Variants in ESF1 observed in about 807,000 individuals in gnomAD.
The protein encoded by ESF1 is ESF1 homolog.
ESF1 carries 58 observed loss-of-function variants against 92.0 expected under a neutral mutation model. The observed-to-expected ratio is 0.63, with a 90% CI of 0.51 to 0.78. The LOEUF (loss-of-function observed/expected upper bound fraction) is 0.78. Ranked by LOEUF, ESF1 falls within the 30% of genes least tolerant of loss-of-function variation. ESF1 has a pLI of 0.00. For missense variants in ESF1, 922 were observed against 989.1 expected (o/e 0.93, Z 0.91); for synonymous variants, 321 against 313.7 (o/e 1.02, Z -0.24).
chr20:13,767,069 TAATA>T, intron 7 of ESF1, 145 bp from the exon 8 acceptor site: 2 of 704,832 alleles, frequency 2.8e-6, no homozygotes, highest in South Asian at 2.2e-5. Flanking sequence ...ATGATATGAT[TAATA>T]AATAGTATCC....
chr20:13,740,844 A>G (rs1401633512), intron 9 of ESF1, among the ~76,000 whole-genome samples: 1 of 152,172 alleles, frequency 6.6e-6, no homozygotes, highest in East Asian at 1.9e-4. Flanking sequence ...TTCTTTAGTC[A>G]CACTGGCTTC....
chr20:13,744,962 C>T (rs948779450), intron 9 of ESF1, among the ~76,000 whole-genome samples: 3 of 152,190 alleles, frequency 2.0e-5, no homozygotes, highest in Non-Finnish European at 4.4e-5. Flanking sequence ...AAGGCCTGGA[C>T]CTTTGTCTAT....
intron 9 of ESF1, among the ~76,000 whole-genome samples, chr20:13,735,277 T>C (rs1448716180): frequency 1.3e-5 from 2 of 152,152 alleles, no homozygotes; most frequent in Non-Finnish European, 2.9e-5. Flanking sequence ...TCTCCAAATT[T>C]CTATAGCTTA....
chr20:13,761,446 C>A (rs968076075), intron 8 of ESF1, among the ~76,000 whole-genome samples: 1 of 151,250 alleles, frequency 6.6e-6, no homozygotes, highest in African/African-American at 2.4e-5. Context: ...GCATTTTATC[C>A]CTCTTTATGT....
intron 10 of ESF1, among the ~76,000 whole-genome samples, chr20:13,730,026 T>C (rs1357940393): frequency 6.6e-6 from 1 of 152,098 alleles, no homozygotes; most frequent in Non-Finnish European, 1.5e-5. Flanking sequence ...ACTAAAGCCC[T>C]AAAGAATATT....
chr20:13,730,011 G>C (rs1600269133), intron 10 of ESF1, among the ~76,000 whole-genome samples: 2 of 151,818 alleles, frequency 1.3e-5, no homozygotes, highest in South Asian at 4.1e-4. Context: ...CATGCAAAAA[G>C]AATCACTAAA....
chr20:13,742,472 A>G (rs563891440), intron 9 of ESF1, among the ~76,000 whole-genome samples: 8 of 152,176 alleles, frequency 5.3e-5, no homozygotes, highest in Non-Finnish European at 8.8e-5. Flanking sequence ...CTCTGTCTCA[A>G]AAAGAAAAAA....
At chr20:13,771,781 T>A (rs910093750) in intron 5 of ESF1, among the ~76,000 whole-genome samples, 7 of 152,104 alleles carry the variant, frequency 4.6e-5, no homozygotes, top group Admixed American at 3.9e-4. Flanking sequence ...CACTGCCTTC[T>A]CAAGTAAAAC....
chr20:13,782,080 G>A (rs1408509253), intron 2 of ESF1, among the ~76,000 whole-genome samples: 2 of 152,072 alleles, frequency 1.3e-5, no homozygotes, highest in African/African-American at 4.8e-5. Flanking sequence ...GTTTCACCAT[G>A]TTGGCCAGGC....
Position 13,766,793 on chromosome 20 carries a change from T to C in ESF1, c.1650A>G (p.Ile550Met), listed in dbSNP as rs137963054. Reference sequence around the variant, plus strand: ...TAACAATACCTTGTAGCTCCTCTTCTATCTCCTCTTCATCTTCACTAGAGG... The same window carrying C: ...TAACAATACCTTGTAGCTCCTCTTCCATCTCCTCTTCATCTTCACTAGAGG... ...LASSSEDEEE[I>M]EEELQGDDGV... is the part of the protein sequence containing the mutation. Residue 550 changes from isoleucine (I) to methionine (M), a missense_variant, in exon 8 of 14, where the codon ATA becomes ATG. By Grantham distance (10) the Ile-to-Met change is conservative. Transcript: ENST00000617257. The C allele has an allele frequency of 1.9e-6, 3 of 1,613,686 alleles. No individual in the cohort carries two copies. In the African/African-American group the frequency reaches 4.0e-5, roughly 21 times the overall value.
intron 3 of ESF1, 36 bp from the exon 4 acceptor site, chr20:13,775,306 A>G (rs1979881364): frequency 3.1e-6 from 4 of 1,288,306 alleles, no homozygotes; most frequent in South Asian, 1.3e-5. Flanking sequence ...TACATAATCC[A>G]TATCATTCTC....
Position 13,782,916 on chromosome 20 carries a change from T to C in ESF1, c.225A>G (p.Ser75=), listed in dbSNP as rs375931907. ...CACCAGAGAGATTGGAATCAGAATC[T>C]GAAAGGTCGTAAAAACGCTTCAAAT... is the stretch of plus-strand genomic sequence containing the variant. ...TEDLKRFYDL[S]DSDSNLSGED... The change falls in exon 2 of 14, where the codon TCA becomes TCG. Residue 75 remains serine, a synonymous_variant. Transcript: ENST00000617257. 1.9e-6 allele frequency: 3 copies of C among 1,614,076 alleles called. No homozygotes were observed. The highest frequency in any genetic ancestry group is 2.7e-5 in the African/African-American group (2 of 74,926).
Position 13,759,681 on chromosome 20 carries a change from C to A in ESF1, c.1828+11G>T, listed in dbSNP as rs372469821. On this transcript the variant is annotated intron_variant, in intron 9 of 13. Transcript: ENST00000617257. ...TCGAAAAAGAGAAAACATTTAGTAT[C>A]TAATTCTTACCTGGAACCCATTTAA... The A allele has an allele frequency of 5.2e-5, 81 of 1,572,558 alleles. No homozygotes were observed. In the African/African-American group the frequency reaches 1.0e-3, roughly 19 times the overall value.
intron 7 of ESF1, 109 bp from the exon 8 acceptor site, chr20:13,767,033 T>A: frequency 1.0e-6 from 1 of 1,003,862 alleles, no homozygotes; most frequent in Non-Finnish European, 1.5e-6. Flanking sequence ...AGTTAAAAGT[T>A]AAGACACATT....
rs886126732 is a variant in ESF1, at chr20:13,781,287, G to A, written c.637+1217C>T. ...ATTAATATGAAAATAGTATTAGTAT[G>A]AAATGAGTAGAAAATGGGATGTAAA... is the stretch of plus-strand genomic sequence containing the variant. On this transcript the variant is annotated intron_variant, in intron 2 of 13. Coordinates refer to ENST00000617257, the MANE Select transcript of ESF1 (RefSeq NM_001276380.2). Among the ~76,000 whole-genome samples, 4 of 152,232 alleles carry A rather than the reference G, an allele frequency of 2.6e-5. No homozygotes were observed. The East Asian group carries it at 7.7e-4, about 29-fold the overall frequency.
At position 13,719,020 on chromosome 20, in the gene ESF1, T is replaced by C. The variant is rs756595333; in HGVS notation, c.2039-36A>G. The stretch of plus-strand genomic sequence containing the variant: ...AAACCAACATAAGAGTGGTAAAAAT[T>C]ACAGGACTATCAGCAACATTCTGTT... On this transcript the variant is annotated intron_variant, in intron 11 of 13. Coordinates refer to ENST00000617257, the MANE Select transcript of ESF1 (RefSeq NM_001276380.2). The C allele has an allele frequency of 6.1e-6, 9 of 1,473,366 alleles. No homozygotes were observed. In the Admixed American group the frequency reaches 1.7e-4, roughly 29 times the overall value. The allele number at this position is 1,473,366 out of a possible 1,614,324, so 91.3% of individuals were successfully genotyped here. A position where few individuals can be genotyped will look rare whatever the true frequency, so the allele number is the denominator to read the frequency against.
chr20:13,767,909 C>G (rs1600290254), intron 7 of ESF1, among the ~76,000 whole-genome samples: 1 of 152,260 alleles, frequency 6.6e-6, no homozygotes. Context: ...TCCAGCTAGT[C>G]AGAGGATTCA....
At chr20:13,784,456 CAGG>C (rs987327908) in intron 1 of ESF1, among the ~76,000 whole-genome samples, 1 of 152,182 alleles carries the variant, frequency 6.6e-6, no homozygotes, top group African/African-American at 2.4e-5. Context: ...CCACCTCAAC[CAGG>C]AGAAGTACTG....
intron 6 of ESF1, 62 bp downstream of exon 6, chr20:13,771,269 T>C (rs1472927656): frequency 1.9e-5 from 28 of 1,485,856 alleles, no homozygotes; most frequent in Non-Finnish European, 2.5e-5. Context: ...AGTTCAAATA[T>C]TTTACTTCTT....
Sources: gnomAD v4.1 joint callset for allele counts (sites outside exome capture counted in the v4.1 genomes callset) on GRCh38, gnomAD v4.1.1 for gene constraint, MANE v1.5 for transcripts, NCBI Gene and HGNC (gene_info 2026-07-23, HGNC 2026-07-21) for gene names.